Variants in MTHFD2L observed in about 807,000 individuals in gnomAD.
MTHFD2L encodes the protein methylenetetrahydrofolate dehydrogenase (NADP+ dependent) 2 like.
In MTHFD2L, 29 loss-of-function variants were observed where a neutral mutation model predicts 34.9. That is an observed-to-expected ratio of 0.83 (90% CI 0.62 to 1.13). The LOEUF (loss-of-function observed/expected upper bound fraction) is 1.13. MTHFD2L is among the 50% of genes most tolerant of loss of function. The pLI is 0.00. For missense variants in MTHFD2L, 481 were observed against 446.5 expected (o/e 1.08, Z -0.70); for synonymous variants, 167 against 155.7 (o/e 1.07, Z -0.54).
rs1022591927 is a variant in MTHFD2L at position 74,176,356 on chromosome 4, C to T, written c.451+953C>T. ...AAGACTTACCTTCGCTTCATGCGGG[C>T]CTAGGTTTCTCTTGTCTTTGTTTGC... On this transcript the variant is annotated intron_variant, in intron 3 of 7. Transcript: ENST00000325278. Among the ~76,000 whole-genome samples the T allele has an allele frequency of 3.3e-5, 5 of 151,974 alleles. No homozygotes were observed. In the South Asian group the frequency reaches 8.3e-4, roughly 25 times the overall value.
intron 3 of MTHFD2L, among the ~76,000 whole-genome samples, chr4:74,179,642 G>A (rs1315855494): frequency 1.3e-5 from 2 of 150,310 alleles, no homozygotes; most frequent in African/African-American, 5.0e-5. Flanking sequence ...ATTGAAAATC[G>A]ATCTTTTATA....
Position 74,160,014 on chromosome 4 carries a change from A to T in MTHFD2L, c.143+1733A>T, listed in dbSNP as rs1725065557. On this transcript the variant is annotated intron_variant, in intron 1 of 7. Coordinates refer to ENST00000325278, the MANE Select transcript of MTHFD2L (RefSeq NM_001144978.3). The stretch of plus-strand genomic sequence containing the variant: ...GGGTCTCGGGTGGGGAGGAATTCGG[A>T]CAGTGTGTTGATGCTTATTGGTGTC... 5 of 1,252,670 alleles carry T rather than the reference A, an allele frequency of 4.0e-6. No individual in the cohort carries two copies. In the South Asian group the frequency reaches 6.7e-5, roughly 17 times the overall value. The allele number at this position is 1,252,670 out of a possible 1,614,324, so 77.6% of individuals were successfully genotyped here.
chr4:74,159,595 A>T (rs1724962250), intron 1 of MTHFD2L, among the ~76,000 whole-genome samples: 1 of 152,230 alleles, frequency 6.6e-6, no homozygotes, highest in African/African-American at 2.4e-5. Flanking sequence ...TGACCTGCAT[A>T]CATTGAATGG....
intron 1 of MTHFD2L, among the ~76,000 whole-genome samples, chr4:74,148,552 C>A (rs1723748244): frequency 6.6e-6 from 1 of 151,690 alleles, no homozygotes; most frequent in Non-Finnish European, 1.5e-5. Flanking sequence ...CATACCCAGC[C>A]AATTTTTGTA....
At chr4:74,210,957 G>T (rs1396729183) in intron 5 of MTHFD2L, among the ~76,000 whole-genome samples, 1 of 152,120 alleles carries the variant, frequency 6.6e-6, no homozygotes, top group Admixed American at 6.5e-5. Context: ...AATTGTCAAT[G>T]GGAGTTCACT....
At chr4:74,172,256 C>T (rs1179786993) in intron 1 of MTHFD2L, among the ~76,000 whole-genome samples, 1 of 152,126 alleles carries the variant, frequency 6.6e-6, no homozygotes, top group South Asian at 2.1e-4. Flanking sequence ...TGTTCATTTT[C>T]TTGACTATAG....
chr4:74,179,796 T>G (rs910437747), intron 3 of MTHFD2L, among the ~76,000 whole-genome samples: 4 of 152,230 alleles, frequency 2.6e-5, no homozygotes, highest in Middle Eastern at 3.4e-3. Context: ...TAACATAGAT[T>G]AAAAGCTTTC....
intron 5 of MTHFD2L, among the ~76,000 whole-genome samples, chr4:74,214,979 G>A (rs995986768): frequency 2.0e-5 from 3 of 151,736 alleles, no homozygotes; most frequent in Non-Finnish European, 4.4e-5. Flanking sequence ...ACTTCCTGGT[G>A]GCTTTGTTTA....
At position 74,288,784 on chromosome 4, in the gene MTHFD2L, G is replaced by T. The variant is rs527815855; in HGVS notation, c.931+7234G>T. ...TACACAGATTTGCAATAACATTTGT[G>T]CAGGTAATACAACCTCACCTAAATG... On this transcript the variant is annotated intron_variant, in intron 7 of 7. Coordinates refer to ENST00000325278, the MANE Select transcript of MTHFD2L (RefSeq NM_001144978.3). Among the ~76,000 whole-genome samples the T allele has an allele frequency of 2.6e-5, 4 of 152,202 alleles. No homozygotes were observed. The South Asian group carries it at 6.2e-4, about 24-fold the overall frequency.
chr4:74,157,976 T>TG (rs771528468), upstream of MTHFD2L: 1 of 1,131,424 alleles, frequency 8.8e-7, no homozygotes, highest in South Asian at 1.3e-5. Context: ...TCCCCGGTCC[T>TG]GGGAACCGCT....
chr4:74,131,070 G>T (rs945308880), intron 1 of MTHFD2L, among the ~76,000 whole-genome samples: 3 of 152,116 alleles, frequency 2.0e-5, no homozygotes, highest in Admixed American at 1.3e-4. Flanking sequence ...ACAAACCGCT[G>T]CTCAAGGAAA....
At chr4:74,266,905 T>G in intron 6 of MTHFD2L, 1 of 985,284 alleles carries the variant, frequency 1.0e-6, no homozygotes, top group Non-Finnish European at 1.2e-6. Context: ...AGGCCTCATT[T>G]CTTTGTATTA....
rs1305192924 is a variant in MTHFD2L, at chr4:74,233,096, C to T, written c.805+7702C>T. On this transcript the variant is annotated intron_variant, in intron 6 of 7. Transcript: ENST00000325278. ...GCTTGGTGTATAATAAAGGCTTACA[C>T]GTGTGTTTAATATTAAAGCATATTT... Among the ~76,000 whole-genome samples, 10 of 152,186 alleles carry T rather than the reference C, an allele frequency of 6.6e-5. No individual in the cohort carries two copies. In the East Asian group the frequency reaches 1.5e-3, roughly 23 times the overall value.
At chr4:74,133,859 C>CA (rs1173395931) in intron 1 of MTHFD2L, among the ~76,000 whole-genome samples, 1 of 151,864 alleles carries the variant, frequency 6.6e-6, no homozygotes, top group Non-Finnish European at 1.5e-5. Context: ...CACCAGAAAC[C>CA]AAAAAGAAAT....
At chr4:74,262,131 C>T (rs1034027261) in intron 6 of MTHFD2L, among the ~76,000 whole-genome samples, 19 of 152,014 alleles carry the variant, frequency 1.2e-4, no homozygotes, top group African/African-American at 4.6e-4. Context: ...TCATTAAACA[C>T]TGGGGAAAAA....
chr4:74,242,230 A>G (rs551020022), intron 6 of MTHFD2L: 1 of 152,252 alleles, frequency 6.6e-6, no homozygotes, highest in South Asian at 2.1e-4. Flanking sequence ...AAAATGGTCA[A>G]AAAAGCATGT....
At chr4:74,289,191 G>C (rs955116138) in intron 7 of MTHFD2L, among the ~76,000 whole-genome samples, 4 of 152,184 alleles carry the variant, frequency 2.6e-5, no homozygotes, top group African/African-American at 9.7e-5. Flanking sequence ...GTGTCTTAGT[G>C]ATACAAAAAT....
chr4:74,267,735 G>A (rs1745492197), intron 6 of MTHFD2L: 6 of 985,222 alleles, frequency 6.1e-6, no homozygotes, highest in Non-Finnish European at 7.2e-6. Flanking sequence ...AATAAGGTTT[G>A]ATTGATGGGA....
intron 1 of MTHFD2L, chr4:74,143,468 G>A (rs1723402552): frequency 2.0e-6 from 2 of 984,588 alleles, no homozygotes; most frequent in South Asian, 4.7e-5. Context: ...GTCCTAGAGG[G>A]TATGTGGAAC....
Sources: allele counts gnomAD v4.1 joint callset (sites outside exome capture counted in the v4.1 genomes callset), GRCh38; gene constraint gnomAD v4.1.1; transcripts MANE v1.5; gene names NCBI Gene and HGNC (gene_info 2026-07-23, HGNC 2026-07-21).